The following CYTH3 variants were observed in gnomAD, a reference collection of about 807,000 sequenced individuals.
The protein encoded by CYTH3 is cytohesin 3, also known as cytohesin-3.
A neutral mutation model predicts 55.1 loss-of-function variants in CYTH3; 23 were observed. The observed-to-expected ratio is 0.42, with a 90% confidence interval of 0.30 to 0.59. The LOEUF (loss-of-function observed/expected upper bound fraction) is 0.59. CYTH3 is among the 20% of genes least tolerant of loss of function. The pLI is 0.20. For missense variants in CYTH3, 413 were observed against 524.8 expected, an observed-to-expected ratio of 0.79 and a Z score of 2.08; for synonymous variants, 249 against 194.9, an observed-to-expected ratio of 1.28 and a Z score of -2.31.
intron 4 of CYTH3, among the ~76,000 whole-genome samples, chr7:6,185,456 G>A (rs1331941563): frequency 6.6e-6 from 1 of 152,080 alleles, no homozygotes; most frequent in Non-Finnish European, 1.5e-5. Context: ...CAGCACTTTG[G>A]GAGGCCAAGG....
Position 6,171,286 on chromosome 7 carries a change from C to G in CYTH3, c.478G>C (p.Gly160Arg). Residue 160 changes from glycine to arginine, a missense_variant, in exon 7 of 13, where the codon GGG becomes CGG. Transcript: ENST00000350796. This position sits in a 1 kb window ranked among gnomAD's most constrained non-coding sequence, Gnocchi z 6.7. ...ATGCGATCAATCTTCTGCGCCTCCC[C>G]GGGCAGCCTGAAGCTCCATAAGAAC... ...RQFLWSFRLP[G>R]EAQKIDRMME... is the part of the protein sequence containing the mutation. 1 of 1,614,168 alleles carries G rather than the reference C, an allele frequency of 6.2e-7. No homozygotes were observed.
intron 1 of CYTH3, among the ~76,000 whole-genome samples, chr7:6,228,767 T>C (rs1018334871): frequency 6.6e-6 from 1 of 152,130 alleles, no homozygotes; most frequent in Non-Finnish European, 1.5e-5. Flanking sequence ...CACGGCTGTG[T>C]TTTTAAGAAT....
At chr7:6,168,333 T>A (rs1783071522) in intron 9 of CYTH3, among the ~76,000 whole-genome samples, 1 of 150,404 alleles carries the variant, frequency 6.6e-6, no homozygotes, top group Non-Finnish European at 1.5e-5. Context: ...TGGCAAAGCA[T>A]CCAGGCCTTT....
intron 1 of CYTH3, among the ~76,000 whole-genome samples, chr7:6,199,649 T>C (rs927154547): frequency 1.3e-5 from 2 of 152,206 alleles, no homozygotes; most frequent in Admixed American, 6.5e-5. Context: ...CAGTCCTTCA[T>C]GCAGGGGGAA....
At chr7:6,220,623 C>A (rs1203512731) in intron 1 of CYTH3, among the ~76,000 whole-genome samples, 1 of 148,920 alleles carries the variant, frequency 6.7e-6, no homozygotes, top group Non-Finnish European at 1.5e-5. Flanking sequence ...TGTGGACAAT[C>A]TGGATCTTTC....
chr7:6,164,611 T>C lies in CYTH3; in HGVS notation c.*333A>G. On this transcript the variant is annotated 3_prime_UTR_variant, in exon 13 of 13. Coordinates refer to ENST00000350796, the MANE Select transcript of CYTH3 (RefSeq NM_004227.4). ...AGACAGCGGAAGCTGCTGTCCTGGC[T>C]TCTCCCCCTAGGGGCGCCGGGATGG... 2.8e-6 allele frequency: 1 copy of C among 363,214 alleles called. No homozygotes were observed. The highest frequency in any genetic ancestry group is 3.2e-5 in the South Asian group (1 of 31,342). 22.5% of individuals were successfully genotyped at this position (363,214 alleles called of 1,614,324 possible). A position where few individuals can be genotyped will look rare whatever the true frequency, so the allele number is the denominator to read the frequency against.
chr7:6,191,569 A>C (rs1783805130), intron 1 of CYTH3, among the ~76,000 whole-genome samples: 1 of 149,216 alleles, frequency 6.7e-6, no homozygotes, highest in South Asian at 2.2e-4. Context: ...AATTTTTTTT[A>C]TAATTTCAGG....
rs748146676 is a variant in CYTH3 at position 6,170,566 on chromosome 7, G to C, written c.792C>G (p.Asn264Lys). The stretch of plus-strand genomic sequence containing the variant: ...TCAGGAGCCAGCCCTCGCGGTCGGG[G>C]TTGAAGAAGGTGTGGGTCAGGTCGT... Reference protein sequence around the residue: ...DGNDLTHTFFNPDREGWLLKL... With the variant: ...DGNDLTHTFFKPDREGWLLKL... Residue 264 changes from asparagine (N) to lysine (K), a missense_variant, in exon 9 of 13, where the codon AAC (asparagine) becomes AAG (lysine). Around this residue, in one of 4 missense-constraint regions of CYTH3, gnomAD observed 156 missense variants for 233.1 expected, o/e 0.67. Coordinates refer to ENST00000350796, the MANE Select transcript of CYTH3 (RefSeq NM_004227.4). The surrounding 1 kb of genome is among the most constrained non-coding windows in gnomAD (Gnocchi z 7.8). 6.2e-7 allele frequency: 1 copy of C among 1,614,036 alleles called. No individual in the cohort carries two copies. The highest frequency in any genetic ancestry group is 8.5e-7 in the Non-Finnish European group (1 of 1,179,904).
intron 1 of CYTH3, among the ~76,000 whole-genome samples, chr7:6,258,665 G>A (rs937785178): frequency 2.0e-5 from 3 of 152,142 alleles, no homozygotes; most frequent in African/African-American, 7.2e-5. Context: ...AAGCTACAAG[G>A]CAACAGGCAA....
At chr7:6,263,966 G>A (rs948004357) in intron 1 of CYTH3, among the ~76,000 whole-genome samples, 2 of 151,976 alleles carry the variant, frequency 1.3e-5, no homozygotes, top group African/African-American at 4.8e-5. Flanking sequence ...ACCAATTAGG[G>A]CCGGGTGCGG....
intron 1 of CYTH3, among the ~76,000 whole-genome samples, chr7:6,232,894 G>A (rs1199054210): frequency 2.0e-5 from 3 of 152,036 alleles, no homozygotes; most frequent in Admixed American, 6.6e-5. Context: ...TCCACTTCGG[G>A]TGCCAGCCTC....
chr7:6,210,214 T>C (rs553950992), intron 1 of CYTH3, among the ~76,000 whole-genome samples: 1 of 152,210 alleles, frequency 6.6e-6, no homozygotes, highest in South Asian at 2.1e-4. Flanking sequence ...GGTGAGCAGA[T>C]GGGAACTCTA....
At chr7:6,241,970 T>C (rs562923335) in intron 1 of CYTH3, among the ~76,000 whole-genome samples, 73 of 152,316 alleles carry the variant, frequency 4.8e-4, no homozygotes, top group Non-Finnish European at 7.3e-5. Flanking sequence ...TAATTATTTC[T>C]AAGAGGTAGG....
intron 1 of CYTH3, among the ~76,000 whole-genome samples, chr7:6,217,626 G>A (rs568725726): frequency 6.6e-6 from 1 of 152,260 alleles, no homozygotes; most frequent in South Asian, 2.1e-4. Context: ...TTTCTCTCTT[G>A]TTAATAATTA....
At position 6,164,650 on chromosome 7, in the gene CYTH3, A is replaced by G. The variant is rs888350214; in HGVS notation, c.*294T>C. The G allele has an allele frequency of 2.2e-6, 1 of 451,844 alleles. No individual in the cohort carries two copies. The allele number at this position is 451,844 out of a possible 1,614,324, so 28.0% of individuals were successfully genotyped here. A position where few individuals can be genotyped will look rare whatever the true frequency, so the allele number is the denominator to read the frequency against. On this transcript the variant is annotated 3_prime_UTR_variant, in exon 13 of 13. Transcript: ENST00000350796. Reference sequence around the variant, plus strand: ...GCGCCGGGATGGTCGCAGGAAGGAAATGCTTCTGGACATGCGCAGCCGACC... The same window carrying G: ...GCGCCGGGATGGTCGCAGGAAGGAAGTGCTTCTGGACATGCGCAGCCGACC...
rs10586697 is a variant in CYTH3 at position 6,259,832 on chromosome 7, ATTT to A, written c.34+12639_34+12641del. 1.1e-3 allele frequency among the ~76,000 whole-genome samples: 19 copies of A among 17,566 alleles called. 3 individuals carry two copies. Among genetic ancestry groups the A allele is most frequent in the Middle Eastern group, 0.036 (1 of 28 alleles). 11.5% of individuals were successfully genotyped at this position (17,566 alleles called of 152,430 possible). On this transcript the variant is annotated intron_variant, in intron 1 of 12. Coordinates refer to ENST00000350796, the MANE Select transcript of CYTH3 (RefSeq NM_004227.4). ...ATATATAATATATATATATATATAT[ATTT>A]TTTTTTTTTTTTAAGACGGATTTTC...
rs1361564434 is a variant in CYTH3 at position 6,165,438 on chromosome 7, AAGAG to A, written c.973-15_973-12del. The A allele has an allele frequency of 9.3e-6, 15 of 1,611,190 alleles. No homozygotes were observed. Among genetic ancestry groups the A allele is most frequent in the African/African-American group, 5.3e-5 (4 of 74,996 alleles). ...GAGCTCAAAACAGTTCTGGTGGAGAAAGAGAGAGGGGAGGCGGTCAGGGGGGCTT... is the reference window on the plus strand; with the variant it reads ...GAGCTCAAAACAGTTCTGGTGGAGAAAGAGGGGAGGCGGTCAGGGGGGCTT... On this transcript the variant is annotated splice_polypyrimidine_tract_variant and intron_variant, in intron 11 of 12. Transcript: ENST00000350796.
intron 1 of CYTH3, among the ~76,000 whole-genome samples, chr7:6,199,389 G>A (rs1784008978): frequency 6.6e-6 from 1 of 152,192 alleles, no homozygotes. Context: ...GTGGTTATGT[G>A]CCTGTAGTCC....
Position 6,244,955 on chromosome 7 carries a change from A to ATTTTTTTTTTTTTTTT in CYTH3, c.34+27503_34+27518dup, listed in dbSNP as rs887701278. ...AGTCACCCGCCACCACGCCCGGCTAATTTTTTTTTTTTTTTTTTTTTTTTT... is the reference window on the plus strand; with the variant it reads ...AGTCACCCGCCACCACGCCCGGCTAATTTTTTTTTTTTTTTTTTTTTTTTTTTTTTTTTTTTTTTTT... On this transcript the variant is annotated intron_variant, in intron 1 of 12. Coordinates refer to ENST00000350796, the MANE Select transcript of CYTH3 (RefSeq NM_004227.4). Among the ~76,000 whole-genome samples, 19 of 36,452 alleles carry ATTTTTTTTTTTTTTTT rather than the reference A, an allele frequency of 5.2e-4. 1 individual carries two copies. Among genetic ancestry groups the ATTTTTTTTTTTTTTTT allele is most frequent in the Non-Finnish European group, 7.0e-4 (14 of 19,964 alleles). The allele number at this position is 36,452 out of a possible 152,430, so 23.9% of individuals were successfully genotyped here.
Sources: gnomAD v4.1 joint callset for allele counts (sites outside exome capture counted in the v4.1 genomes callset) on GRCh38, gnomAD v4.1.1 for gene constraint, gnomAD v4.1.1 regional missense constraint, Gnocchi (gnomAD v3.1) non-coding constraint, MANE v1.5 for transcripts, NCBI Gene and HGNC (gene_info 2026-07-23, HGNC 2026-07-21) for gene names.